The following HDX variants were observed in gnomAD, a reference collection of about 807,000 sequenced individuals.
HDX encodes the protein highly divergent homeobox.
A neutral mutation model predicts 45.2 loss-of-function variants in HDX; 19 were observed. The observed-to-expected ratio is 0.42, with a 90% CI of 0.29 to 0.62. The LOEUF (loss-of-function observed/expected upper bound fraction) is 0.62, where lower values mean the gene tolerates loss of function less well. HDX is among the 20% of genes least tolerant of loss of function. HDX has a pLI of 0.20. For synonymous variants in HDX, 188 were observed against 172.8 expected (o/e 1.09, Z -0.69); for missense variants, 532 against 493.9 (o/e 1.08, Z -0.73).
At chrX:84,448,735 A>C (rs1020969223) in intron 4 of HDX, among the ~76,000 whole-genome samples, 2 of 111,386 alleles carry the variant, frequency 1.8e-5, no homozygotes, top group Admixed American at 9.6e-5. Context: ...ATAACATGAA[A>C]AGACAAGGAA....
chrX:84,451,309 A>T (rs1302746786), intron 4 of HDX, among the ~76,000 whole-genome samples: 3 of 111,290 alleles, frequency 2.7e-5, no homozygotes, highest in African/African-American at 9.8e-5. Flanking sequence ...AAGAAGACAT[A>T]AATAAATAAA....
Sources: allele counts gnomAD v4.1 joint callset (sites outside exome capture counted in the v4.1 genomes callset), GRCh38; gene constraint gnomAD v4.1.1; transcripts MANE v1.5; gene names NCBI Gene and HGNC (gene_info 2026-07-23, HGNC 2026-07-21).